The following SUSD5 variants were observed in gnomAD, a reference collection of about 807,000 sequenced individuals.
SUSD5 encodes sushi domain-containing protein 5.
Under a neutral mutation model 29.5 loss-of-function variants are expected in SUSD5, and 33 were observed. The observed-to-expected ratio is 1.12, with a 90% CI of 0.85 to 1.49. The LOEUF (loss-of-function observed/expected upper bound fraction) is 1.49, where lower values mean the gene tolerates loss of function less well. SUSD5 is among the 40% of genes most tolerant of loss of function. The pLI is 0.00. For synonymous variants in SUSD5, 308 were observed against 325.3 expected, an observed-to-expected ratio of 0.95 and a Z score of 0.57; for missense variants, 776 against 800.6, an observed-to-expected ratio of 0.97 and a Z score of 0.37.
chr3:33,154,071 A>C (rs777958427), intron 4 of SUSD5, 38 bp from the exon 5 acceptor site: 13 of 1,499,764 alleles, frequency 8.7e-6, no homozygotes, highest in Non-Finnish European at 9.8e-6. Flanking sequence ...TTAGCTCCAA[A>C]GGCACAGAGC....
chr3:33,180,876 G>T (rs1446260458), intron 3 of SUSD5, among the ~76,000 whole-genome samples: 4 of 150,216 alleles, frequency 2.7e-5, no homozygotes, highest in African/African-American at 7.3e-5. Context: ...TAGACATAGG[G>T]TCTTACTATG....
chr3:33,168,910 A>C (rs193297479), intron 4 of SUSD5, among the ~76,000 whole-genome samples: 82 of 152,328 alleles, frequency 5.4e-4, no homozygotes, highest in African/African-American at 2.0e-3. Flanking sequence ...TTGGCCTCCC[A>C]AAGTGCTGGG....
intron 4 of SUSD5, among the ~76,000 whole-genome samples, chr3:33,159,009 G>A (rs1333786538): frequency 6.6e-6 from 1 of 152,164 alleles, no homozygotes; most frequent in Non-Finnish European, 1.5e-5. Flanking sequence ...TTGCTTGCAC[G>A]AATCCGGAGA....
At chr3:33,166,293 T>C (rs532606370) in intron 4 of SUSD5, among the ~76,000 whole-genome samples, 1 of 152,334 alleles carries the variant, frequency 6.6e-6, no homozygotes, top group African/African-American at 2.4e-5. Flanking sequence ...TAACTACCAA[T>C]GACAAATATT....
At chr3:33,170,573 G>GCCT (rs2031402950) in intron 4 of SUSD5, among the ~76,000 whole-genome samples, 2 of 152,214 alleles carry the variant, frequency 1.3e-5, no homozygotes, top group South Asian at 4.1e-4. Flanking sequence ...GCGTGTGGCT[G>GCCT]AGGGACCCTC....
intron 3 of SUSD5, among the ~76,000 whole-genome samples, chr3:33,185,191 T>C (rs1044758498): frequency 6.6e-6 from 1 of 152,258 alleles, no homozygotes; most frequent in East Asian, 1.9e-4. Flanking sequence ...GGAGCTGGAG[T>C]TGGGAATTTC....
chr3:33,162,161 T>A (rs1319942132), intron 4 of SUSD5, among the ~76,000 whole-genome samples: 10 of 152,128 alleles, frequency 6.6e-5, no homozygotes, highest in African/African-American at 2.2e-4. Context: ...ACTTAAAAAT[T>A]CCCCTATGTA....
At chr3:33,156,951 C>T (rs1257248853) in intron 4 of SUSD5, among the ~76,000 whole-genome samples, 1 of 152,198 alleles carries the variant, frequency 6.6e-6, no homozygotes, top group Non-Finnish European at 1.5e-5. Context: ...CAAATGCATG[C>T]GTGTTTTATG....
At chr3:33,194,248 TA>T (rs2031952969) in intron 3 of SUSD5, among the ~76,000 whole-genome samples, 1 of 152,198 alleles carries the variant, frequency 6.6e-6, no homozygotes, top group Non-Finnish European at 1.5e-5. Flanking sequence ...AATTATCTTT[TA>T]AAAACCCTAG....
chr3:33,152,603 TCTC>T lies in SUSD5; in HGVS notation c.*136_*138del. On this transcript the variant is annotated 3_prime_UTR_variant, in exon 5 of 5. Coordinates refer to ENST00000309558, the MANE Select transcript of SUSD5 (RefSeq NM_015551.2). ...CCCTCCCAGGTGCTCCAGAGACACT[TCTC>T]AGCCTATAAAACAAAGGGCTGAGGA... 2 of 956,654 alleles carry T rather than the reference TCTC, an allele frequency of 2.1e-6. No individual in the cohort carries two copies. The highest frequency in any genetic ancestry group is 2.7e-5 in the East Asian group (1 of 37,634). 59.3% of individuals were successfully genotyped at this position (956,654 alleles called of 1,614,324 possible). A position where few individuals can be genotyped will look rare whatever the true frequency, so the allele number is the denominator to read the frequency against.
chr3:33,186,195 G>C (rs772700214), intron 3 of SUSD5, among the ~76,000 whole-genome samples: 1 of 151,620 alleles, frequency 6.6e-6, no homozygotes, highest in African/African-American at 2.4e-5. Flanking sequence ...CCAGCTACTC[G>C]GGAGGCTGAG....
intron 4 of SUSD5, among the ~76,000 whole-genome samples, chr3:33,155,241 C>A (rs1474604111): frequency 2.0e-5 from 3 of 152,284 alleles, no homozygotes; most frequent in Non-Finnish European, 4.4e-5. Flanking sequence ...ACTAAGTAGA[C>A]AGACAAACCA....
At chr3:33,174,239 C>T (rs4568067) in intron 4 of SUSD5, among the ~76,000 whole-genome samples, 20,952 of 152,126 alleles carry the variant, frequency 0.14, 1,545 homozygotes, top group South Asian at 0.25. Flanking sequence ...TCCATACAGC[C>T]GTCCTGGAGT....
chr3:33,163,725 C>G (rs575156514), intron 4 of SUSD5, among the ~76,000 whole-genome samples: 1 of 151,966 alleles, frequency 6.6e-6, no homozygotes, highest in Non-Finnish European at 1.5e-5. Context: ...TGGCCGGGTG[C>G]GGTGGCTCAC....
intron 1 of SUSD5, among the ~76,000 whole-genome samples, chr3:33,214,355 T>C (rs944529404): frequency 7.7e-6 from 1 of 130,468 alleles, no homozygotes; most frequent in African/African-American, 2.8e-5. Context: ...TGCTCTGGCA[T>C]GTCGATCTGG....
At chr3:33,181,311 C>T (rs560434954) in intron 3 of SUSD5, among the ~76,000 whole-genome samples, 149 of 151,468 alleles carry the variant, frequency 9.8e-4, no homozygotes, top group African/African-American at 3.5e-3. Flanking sequence ...GTGCTGCAAG[C>T]GCCATGCATG....
At chr3:33,198,337 G>A (rs772342400) in intron 3 of SUSD5, among the ~76,000 whole-genome samples, 3 of 152,122 alleles carry the variant, frequency 2.0e-5, no homozygotes, top group Non-Finnish European at 2.9e-5. Flanking sequence ...TCAAACCCAG[G>A]GATTCTGGGT....
intron 3 of SUSD5, among the ~76,000 whole-genome samples, chr3:33,199,304 C>T (rs1026406673): frequency 3.9e-5 from 6 of 152,080 alleles, no homozygotes; most frequent in Admixed American, 6.6e-5. Context: ...GACGGAGTCT[C>T]GCTCTGTTGC....
intron 3 of SUSD5, among the ~76,000 whole-genome samples, chr3:33,180,549 A>T (rs1038559817): frequency 1.3e-5 from 2 of 152,194 alleles, no homozygotes; most frequent in African/African-American, 2.4e-5. Flanking sequence ...TTTTTTGGCC[A>T]GGTGCAGTGG....
Sources: gnomAD v4.1 joint callset for allele counts (sites outside exome capture counted in the v4.1 genomes callset) on GRCh38, gnomAD v4.1.1 for gene constraint, MANE v1.5 for transcripts, NCBI Gene and HGNC (gene_info 2026-07-23, HGNC 2026-07-21) for gene names.